Variants in SLC30A10 observed in about 807,000 individuals in gnomAD.
The protein encoded by SLC30A10 is calcium/manganese antiporter SLC30A10.
In SLC30A10, 8 loss-of-function variants were observed where a neutral mutation model predicts 21.7. That is an observed-to-expected ratio of 0.37 (90% confidence interval 0.22 to 0.67). SLC30A10 has a LOEUF of 0.67. Ranked by LOEUF, SLC30A10 falls within the 30% of genes least tolerant of loss-of-function variation. SLC30A10 has a pLI of 0.58. For missense variants in SLC30A10, 521 were observed against 642.5 expected (o/e 0.81, Z 2.04); for synonymous variants, 272 against 279.4 (o/e 0.97, Z 0.26).
intron 1 of SLC30A10, among the ~76,000 whole-genome samples, chr1:219,957,314 C>T (rs1182315183): frequency 2.6e-5 from 4 of 152,136 alleles, no homozygotes; most frequent in East Asian, 3.9e-4. Context: ...GATAAAGGAC[C>T]GGCTCCAACT....
chr1:219,934,583 T>C (rs143276806), intron 1 of SLC30A10, among the ~76,000 whole-genome samples: 3 of 152,350 alleles, frequency 2.0e-5, no homozygotes, highest in Non-Finnish European at 4.4e-5. Context: ...TCAATTTTTA[T>C]ATAACACCAG....
At chr1:219,938,488 A>G (rs1331512784) in intron 1 of SLC30A10, among the ~76,000 whole-genome samples, 2 of 152,206 alleles carry the variant, frequency 1.3e-5, no homozygotes. Flanking sequence ...TGCCTTCCCC[A>G]GGGACCTGCA....
intron 1 of SLC30A10, among the ~76,000 whole-genome samples, chr1:219,937,548 C>T (rs1424650199): frequency 6.6e-6 from 1 of 152,240 alleles, no homozygotes; most frequent in Non-Finnish European, 1.5e-5. Context: ...GGCACAGTGG[C>T]TCACGCCTGT....
At chr1:219,948,203 T>G (rs1660216399) in intron 1 of SLC30A10, among the ~76,000 whole-genome samples, 1 of 150,424 alleles carries the variant, frequency 6.6e-6, no homozygotes, top group Non-Finnish European at 1.5e-5. Flanking sequence ...AATTTATAGA[T>G]TCAATGCCAT....
chr1:219,915,852 T>G lies in SLC30A10; in HGVS notation c.1055A>C (p.Lys352Thr), dbSNP rs765468456. The change falls in exon 4 of 4, where the codon AAG becomes ACG. Residue 352 changes from lysine (K) to threonine (T), a missense_variant. Lys to Thr is a moderately conservative substitution (Grantham distance 78, BLOSUM62 -1). Coordinates refer to ENST00000366926, the MANE Select transcript of SLC30A10 (RefSeq NM_018713.3). Reference protein sequence around the residue: ...SGKIIATLHIKYPKDRGYQDA... With the variant: ...SGKIIATLHITYPKDRGYQDA... ...TTGATATCCCCTGTCCTTAGGATACTTGATGTGCAGGGTGGCAATAATCTT... is the reference window on the plus strand; with the variant it reads ...TTGATATCCCCTGTCCTTAGGATACGTGATGTGCAGGGTGGCAATAATCTT... The G allele has an allele frequency of 2.0e-5, 33 of 1,614,124 alleles. No homozygotes were observed. Among genetic ancestry groups the G allele is most frequent in the Non-Finnish European group, 2.7e-5 (32 of 1,180,056 alleles).
intron 1 of SLC30A10, among the ~76,000 whole-genome samples, chr1:219,954,485 G>A (rs1660316681): frequency 6.6e-6 from 1 of 151,876 alleles, no homozygotes; most frequent in South Asian, 2.1e-4. Context: ...TTCAAGACCA[G>A]CCTGGCCAAC....
intron 2 of SLC30A10, among the ~76,000 whole-genome samples, chr1:219,922,654 G>A (rs554910583): frequency 1.3e-5 from 2 of 152,008 alleles, no homozygotes; most frequent in African/African-American, 4.8e-5. Flanking sequence ...TGTGAAATGG[G>A]GTAGTAATAA....
At chr1:219,927,706 G>C (rs1161393907) in intron 1 of SLC30A10, 95 bp downstream of exon 1, 3 of 935,838 alleles carry the variant, frequency 3.2e-6, no homozygotes, top group Middle Eastern at 5.1e-4. Flanking sequence ...AAAAAAGCAT[G>C]CAGAAGAAAA....
In SLC30A10 at chr1:219,956,466, T is replaced by TA. The variant is rs1660354137; in HGVS notation, n.80+2101dup. Among the ~76,000 whole-genome samples the TA allele has an allele frequency of 3.3e-5, 5 of 151,170 alleles. No individual in the cohort carries two copies. In the South Asian group the frequency reaches 1.1e-3, roughly 32 times the overall value. Reference sequence around the variant, plus strand: ...CACTTATTTAAACTAGAACACTATATAGCATCAAATACTTCAAAACAAGCT... The same window carrying TA: ...CACTTATTTAAACTAGAACACTATATAAGCATCAAATACTTCAAAACAAGCT... On this transcript the variant is annotated intron_variant and non_coding_transcript_variant, in intron 1 of 8. Transcript: ENST00000484239.
rs565331178 is a variant in SLC30A10, at chr1:219,912,162, A to T, written c.*3287T>A. The stretch of plus-strand genomic sequence containing the variant: ...ATTTACCACCACTGGAATTTGCTCT[A>T]CCAATGGCAAAAAAAAAAAAAAAAA... On this transcript the variant is annotated 3_prime_UTR_variant, in exon 4 of 4. Coordinates refer to ENST00000366926, the MANE Select transcript of SLC30A10 (RefSeq NM_018713.3). Among the ~76,000 whole-genome samples, 1 of 126,310 alleles carries T rather than the reference A, an allele frequency of 7.9e-6. No homozygotes were observed. Among genetic ancestry groups the T allele is most frequent in the Admixed American group, 9.2e-5 (1 of 10,928 alleles). 82.9% of individuals were successfully genotyped at this position (126,310 alleles called of 152,430 possible).
At chr1:219,922,372 G>A (rs961555630) in intron 2 of SLC30A10, among the ~76,000 whole-genome samples, 1 of 151,808 alleles carries the variant, frequency 6.6e-6, no homozygotes, top group African/African-American at 2.4e-5. Flanking sequence ...AGAGTCTCCT[G>A]TGATGAGACA....
intron 3 of SLC30A10, among the ~76,000 whole-genome samples, 184 bp from the exon 4 acceptor site, chr1:219,916,132 T>C (rs1659536553): frequency 6.6e-6 from 1 of 152,188 alleles, no homozygotes; most frequent in Admixed American, 6.5e-5. Flanking sequence ...TCTCCACACA[T>C]TGTTAGTCCA....
At chr1:219,951,101 T>C (rs1386294527) in intron 1 of SLC30A10, among the ~76,000 whole-genome samples, 3 of 152,094 alleles carry the variant, frequency 2.0e-5, no homozygotes, top group Non-Finnish European at 2.9e-5. Flanking sequence ...GCTGGAACTA[T>C]AGGCACGCAC....
At position 219,950,885 on chromosome 1, in the gene SLC30A10, T is replaced by G. The variant is rs371242189; in HGVS notation, n.80+7683A>C. ...ATGGTTTAAACCTAGGAGGTAGAGG[T>G]TGCAGTGAGCTGAGATCATGCCATT... On this transcript the variant is annotated intron_variant and non_coding_transcript_variant, in intron 1 of 8. Coordinates refer to the SLC30A10 transcript ENST00000484239. Among the ~76,000 whole-genome samples, 58 of 152,166 alleles carry G rather than the reference T, an allele frequency of 3.8e-4. 1 individual carries two copies. The highest frequency in any genetic ancestry group is 1.3e-3 in the African/African-American group (52 of 41,486).
chr1:219,937,449 CT>C (rs1660061628), intron 1 of SLC30A10, among the ~76,000 whole-genome samples: 1 of 152,172 alleles, frequency 6.6e-6, no homozygotes, highest in Admixed American at 6.5e-5. Context: ...CAGGAAACAC[CT>C]AGTGTGTATA....
chr1:219,934,983 A>AG (rs375324449), intron 1 of SLC30A10, among the ~76,000 whole-genome samples: 442 of 152,298 alleles, frequency 2.9e-3, no homozygotes, highest in African/African-American at 0.01. Context: ...TAGGAAGAAC[A>AG]GGGGAAAGGG....
At chr1:219,938,106 A>G (rs1022115546) in intron 1 of SLC30A10, among the ~76,000 whole-genome samples, 1 of 152,150 alleles carries the variant, frequency 6.6e-6, no homozygotes, top group South Asian at 2.1e-4. Context: ...TGTAGTTACC[A>G]TGTTGGATCT....
At chr1:219,930,063 CT>C (rs1659944181), upstream of SLC30A10, among the ~76,000 whole-genome samples, 1 of 152,132 alleles carries the variant, frequency 6.6e-6, no homozygotes, top group Admixed American at 6.5e-5. Flanking sequence ...CTCTATTCTC[CT>C]TCCCCATCCC....
At chr1:219,958,077 C>T (rs1660376371) in intron 1 of SLC30A10, among the ~76,000 whole-genome samples, 1 of 152,190 alleles carries the variant, frequency 6.6e-6, no homozygotes, top group Admixed American at 6.5e-5. Context: ...ATATTCCTAA[C>T]AGTTAATCAG....
Sources: gnomAD v4.1 joint callset for allele counts (sites outside exome capture counted in the v4.1 genomes callset) on GRCh38, gnomAD v4.1.1 for gene constraint, MANE v1.5 for transcripts, NCBI Gene and HGNC (gene_info 2026-07-23, HGNC 2026-07-21) for gene names.